The following TMEM132B variants were observed in gnomAD, a reference collection of about 807,000 sequenced individuals.
TMEM132B encodes transmembrane protein 132B.
In TMEM132B, 18 loss-of-function variants were observed where a neutral mutation model predicts 90.8. The observed-to-expected ratio is 0.20, with a 90% confidence interval of 0.14 to 0.29. The LOEUF (loss-of-function observed/expected upper bound fraction) is 0.29. TMEM132B is among the 10% of genes least tolerant of loss of function. TMEM132B has a pLI of 1.00. For missense variants in TMEM132B, 1,096 were observed against 1,326.8 expected, an observed-to-expected ratio of 0.83 and a Z score of 2.70; for synonymous variants, 504 against 523.3, an observed-to-expected ratio of 0.96 and a Z score of 0.50.
At chr12:125,360,866 A>G (rs75166546) in intron 2 of TMEM132B, among the ~76,000 whole-genome samples, 6,895 of 151,964 alleles carry the variant, frequency 0.045, 525 homozygotes, top group African/African-American at 0.16. Context: ...ATTAGAATCA[A>G]TAAGGCTTGG....
chr12:125,640,527 G>A (rs536149648), intron 5 of TMEM132B, among the ~76,000 whole-genome samples: 30 of 152,272 alleles, frequency 2.0e-4, no homozygotes, highest in Middle Eastern at 6.8e-3. Context: ...GCAAGGTGAG[G>A]CCAGAGAAGG....
intron 5 of TMEM132B, among the ~76,000 whole-genome samples, chr12:125,642,049 C>T (rs1403615721): frequency 6.6e-6 from 1 of 152,174 alleles, no homozygotes; most frequent in Non-Finnish European, 1.5e-5. Context: ...AGGTAGTCTG[C>T]ATGCCACAGG....
At chr12:125,653,149 G>T (rs1886969378) in intron 8 of TMEM132B, among the ~76,000 whole-genome samples, 2 of 152,176 alleles carry the variant, frequency 1.3e-5, no homozygotes, top group South Asian at 4.1e-4. Flanking sequence ...AGTCCTTCCA[G>T]CCAGTGCATG....
rs5801589 is a variant in TMEM132B, at chr12:125,231,884, T to TCC, written c.67+45026_67+45027dup. Among the ~76,000 whole-genome samples the TCC allele has an allele frequency of 3.4e-3, 502 of 149,728 alleles. 4 individuals are homozygous for TCC. The highest frequency in any genetic ancestry group is 8.8e-3 in the African/African-American group (357 of 40,736). The stretch of plus-strand genomic sequence containing the variant: ...GTTACAAAATAAAACTTCTTTTGTG[T>TCC]CCCCCCCCCACCAAAACTCAGTCTT... On this transcript the variant is annotated intron_variant, in intron 1 of 8. Coordinates refer to ENST00000682704, the MANE Select transcript of TMEM132B (RefSeq NM_001366854.1).
intron 1 of TMEM132B, among the ~76,000 whole-genome samples, chr12:125,282,863 T>C (rs913579834): frequency 2.6e-5 from 4 of 152,172 alleles, no homozygotes; most frequent in Non-Finnish European, 4.4e-5. Flanking sequence ...GGTAGTGTTC[T>C]CTTTCTTTCC....
At chr12:125,598,850 G>C (rs1393489653) in intron 5 of TMEM132B, among the ~76,000 whole-genome samples, 1 of 152,054 alleles carries the variant, frequency 6.6e-6, no homozygotes, top group African/African-American at 2.4e-5. Context: ...GGGTGTGCTG[G>C]TTCTTAGAAG....
chr12:125,562,502 A>G (rs1236164488), intron 4 of TMEM132B, among the ~76,000 whole-genome samples: 1 of 152,164 alleles, frequency 6.6e-6, no homozygotes, highest in Non-Finnish European at 1.5e-5. Context: ...TGCATTCCTC[A>G]TGAAGCTTAA....
At chr12:125,554,238 A>G (rs1239699421) in intron 4 of TMEM132B, among the ~76,000 whole-genome samples, 1 of 151,752 alleles carries the variant, frequency 6.6e-6, no homozygotes, top group African/African-American at 2.4e-5. Flanking sequence ...GCTGGCTAAC[A>G]TGGTGAAACC....
At chr12:125,642,806 G>T (rs1054704279) in intron 5 of TMEM132B, among the ~76,000 whole-genome samples, 1 of 152,202 alleles carries the variant, frequency 6.6e-6, no homozygotes, top group Non-Finnish European at 1.5e-5. Flanking sequence ...CTGTGACTGG[G>T]GATGCAGGGT....
In TMEM132B at chr12:125,437,006, A is replaced by G. The variant is rs556101331; in HGVS notation, c.1106+21329A>G. ...GAGCACAGGTGTGTTCAGGTCTATA[A>G]TTCTGATGGATGCAGTTTTCAAGGG... On this transcript the variant is annotated intron_variant, in intron 3 of 8. Coordinates refer to ENST00000682704, the MANE Select transcript of TMEM132B (RefSeq NM_001366854.1). Among the ~76,000 whole-genome samples the G allele has an allele frequency of 3.3e-5, 5 of 152,274 alleles. No homozygotes were observed. The South Asian group carries it at 8.3e-4, about 25-fold the overall frequency.
rs575764078 is a variant in TMEM132B at position 125,655,821 on chromosome 12, A to G, written c.*1111A>G. ...TTTTTTTTTAAATAAGTAGAATGACAGTTCAAGTTAGCAATATATAGAAAT... is the reference window on the plus strand; with the variant it reads ...TTTTTTTTTAAATAAGTAGAATGACGGTTCAAGTTAGCAATATATAGAAAT... On this transcript the variant is annotated 3_prime_UTR_variant, in exon 9 of 9. Coordinates refer to ENST00000682704, the MANE Select transcript of TMEM132B (RefSeq NM_001366854.1). 1 of 152,250 alleles carries G rather than the reference A, an allele frequency of 6.6e-6. No homozygotes were observed. Among genetic ancestry groups the G allele is most frequent in the Admixed American group, 6.5e-5 (1 of 15,292 alleles). The allele number at this position is 152,250 out of a possible 1,614,324, so 9.4% of individuals were successfully genotyped here.
intron 1 of TMEM132B, among the ~76,000 whole-genome samples, chr12:125,233,185 A>G (rs1240427754): frequency 6.6e-6 from 1 of 152,240 alleles, no homozygotes; most frequent in Admixed American, 6.5e-5. Context: ...GTCCCTCAAC[A>G]GTCATGTAGA....
At chr12:125,315,825 C>T (rs1478711191) in intron 1 of TMEM132B, among the ~76,000 whole-genome samples, 1 of 152,180 alleles carries the variant, frequency 6.6e-6, no homozygotes, top group African/African-American at 2.4e-5. Flanking sequence ...TTGTAATGCA[C>T]ACCAGCAGTT....
At chr12:125,502,578 C>T (rs1456112118) in intron 3 of TMEM132B, among the ~76,000 whole-genome samples, 1 of 152,190 alleles carries the variant, frequency 6.6e-6, no homozygotes, top group East Asian at 1.9e-4. Flanking sequence ...AGCAGATGTG[C>T]AGTACTCTCG....
intron 3 of TMEM132B, among the ~76,000 whole-genome samples, chr12:125,497,756 T>G (rs1882597170): frequency 6.6e-6 from 1 of 152,224 alleles, no homozygotes; most frequent in Non-Finnish European, 1.5e-5. Flanking sequence ...AGCTAGGAGT[T>G]TGACTTTGTC....
chr12:125,629,898 A>T (rs1216138288), intron 5 of TMEM132B, among the ~76,000 whole-genome samples: 1 of 152,180 alleles, frequency 6.6e-6, no homozygotes, highest in African/African-American at 2.4e-5. Context: ...TGAAATGATT[A>T]TATGGCTTTT....
chr12:125,284,805 G>A (rs553697272), intron 1 of TMEM132B, among the ~76,000 whole-genome samples: 1 of 152,288 alleles, frequency 6.6e-6, no homozygotes, highest in South Asian at 2.1e-4. Flanking sequence ...GACAGGCAGG[G>A]CCATATTCAG....
chr12:125,636,010 G>T (rs1259812206), intron 5 of TMEM132B, among the ~76,000 whole-genome samples: 2 of 152,158 alleles, frequency 1.3e-5, no homozygotes, highest in Admixed American at 1.3e-4. Flanking sequence ...GCAGCACACT[G>T]CCACTGCTGG....
In TMEM132B at chr12:125,270,300, C is replaced by A. The variant is rs535609569; in HGVS notation, c.68-79152C>A. 6.2e-4 allele frequency among the ~76,000 whole-genome samples: 94 copies of A among 152,180 alleles called. 1 individual carries two copies. The highest frequency in any genetic ancestry group is 2.2e-3 in the African/African-American group (90 of 41,514). ...TCCAGGTGCACCACCATGCATCCTA[C>A]CCTGCTAAGTTTTATTTTCCCTCTT... is the stretch of plus-strand genomic sequence containing the variant. On this transcript the variant is annotated intron_variant, in intron 1 of 8. Coordinates refer to ENST00000682704, the MANE Select transcript of TMEM132B (RefSeq NM_001366854.1).
Sources: gnomAD v4.1 joint callset for allele counts (sites outside exome capture counted in the v4.1 genomes callset) on GRCh38, gnomAD v4.1.1 for gene constraint, MANE v1.5 for transcripts, NCBI Gene and HGNC (gene_info 2026-07-23, HGNC 2026-07-21) for gene names.